The following OSBPL6 variants were observed in gnomAD, a reference collection of about 807,000 sequenced individuals.
OSBPL6 encodes the protein oxysterol binding protein like 6, also known as oxysterol-binding protein-related protein 6.
In OSBPL6, 49 loss-of-function variants were observed where a neutral mutation model predicts 125.8. That is an observed-to-expected ratio of 0.39 (90% confidence interval 0.31 to 0.49). OSBPL6 has a LOEUF of 0.49. OSBPL6 is among the 20% of genes least tolerant of loss of function. The probability of loss-of-function intolerance (pLI) is 0.88; values close to 1 mark genes in which losing one functional copy is unlikely to be tolerated. For missense variants in OSBPL6, 986 were observed against 1,135.4 expected, an observed-to-expected ratio of 0.87 and a Z score of 1.89; for synonymous variants, 394 against 391.8, an observed-to-expected ratio of 1.01 and a Z score of -0.07.
At position 178,308,529 on chromosome 2, in the gene OSBPL6, T is replaced by A. The variant is rs145320541; in HGVS notation, c.102+2243T>A. 1.1e-4 allele frequency among the ~76,000 whole-genome samples: 16 copies of A among 152,356 alleles called. No homozygotes were observed. In the East Asian group the frequency reaches 3.1e-3, roughly 29 times the overall value. On this transcript the variant is annotated intron_variant, in intron 3 of 24. Coordinates refer to ENST00000190611, the MANE Select transcript of OSBPL6 (RefSeq NM_032523.4). ...GCACATAGCTGAGAATACAGTGGTA[T>A]CTTAATGCACATTATTTGCCTTTCC...
intron 1 of OSBPL6, among the ~76,000 whole-genome samples, chr2:178,226,235 G>GT (rs1346494844): frequency 2.0e-5 from 3 of 152,192 alleles, no homozygotes; most frequent in African/African-American, 7.2e-5. Context: ...GGTGGCTCCT[G>GT]TGAGCCAAAG....
rs999863540 is a variant in OSBPL6 at position 178,382,598 on chromosome 2, A to G, written c.1621+91A>G. On this transcript the variant is annotated intron_variant, in intron 16 of 24. Coordinates refer to ENST00000190611, the MANE Select transcript of OSBPL6 (RefSeq NM_032523.4). Reference sequence around the variant, plus strand: ...GAACAGGCATTCCCCCTCCCACGCCACCCCCACCCCTGCTAATTGTTCTTT... The same window carrying G: ...GAACAGGCATTCCCCCTCCCACGCCGCCCCCACCCCTGCTAATTGTTCTTT... The G allele has an allele frequency of 3.6e-6, 4 of 1,100,578 alleles. No individual in the cohort carries two copies. The African/African-American group carries it at 7.8e-5, about 22-fold the overall frequency. 68.2% of individuals were successfully genotyped at this position (1,100,578 alleles called of 1,614,324 possible).
chr2:178,234,221 A>G lies in OSBPL6; in HGVS notation c.-351+39547A>G, dbSNP rs1449075806. On this transcript the variant is annotated intron_variant, in intron 1 of 24. Coordinates refer to ENST00000190611, the MANE Select transcript of OSBPL6 (RefSeq NM_032523.4). ...TGAAATAGTAATAATAATGACAACA[A>G]CATCAACTTTTGCAGTTGAATCTGA... Among the ~76,000 whole-genome samples, 3 of 152,354 alleles carry G rather than the reference A, an allele frequency of 2.0e-5. No homozygotes were observed. In the East Asian group the frequency reaches 5.8e-4, roughly 29 times the overall value.
chr2:178,210,812 CAA>C lies in OSBPL6; in HGVS notation c.-351+16149_-351+16150del, dbSNP rs753869824. On this transcript the variant is annotated intron_variant, in intron 1 of 24. Coordinates refer to ENST00000190611, the MANE Select transcript of OSBPL6 (RefSeq NM_032523.4). The stretch of plus-strand genomic sequence containing the variant: ...GTGTGACAAGTGTGAGACAATGTTT[CAA>C]AAAAAAAAAACACACACACACACAC... Among the ~76,000 whole-genome samples, 950 of 134,786 alleles carry C rather than the reference CAA, an allele frequency of 7.0e-3. 9 individuals are homozygous for C. The highest frequency in any genetic ancestry group is 0.021 in the African/African-American group (779 of 36,442). 88.4% of individuals were successfully genotyped at this position (134,786 alleles called of 152,430 possible).
chr2:178,391,306 T>C, intron 22 of OSBPL6, 89 bp downstream of exon 22: 1 of 1,350,498 alleles, frequency 7.4e-7, no homozygotes, highest in Non-Finnish European at 9.9e-7. Flanking sequence ...GCAACTCACA[T>C]TATGTTTCCT....
At chr2:178,320,273 A>G in intron 3 of OSBPL6, 1 of 1,611,210 alleles carries the variant, frequency 6.2e-7, no homozygotes, top group South Asian at 1.1e-5. Flanking sequence ...AGGTATTGAG[A>G]TCAATGAACA....
At chr2:178,268,680 A>T (rs955692669) in intron 1 of OSBPL6, among the ~76,000 whole-genome samples, 2 of 152,184 alleles carry the variant, frequency 1.3e-5, no homozygotes, top group African/African-American at 4.8e-5. Context: ...ATGCTGTTGC[A>T]TGAATCATTC....
intron 1 of OSBPL6, among the ~76,000 whole-genome samples, chr2:178,198,383 A>G (rs778092647): frequency 1.3e-5 from 2 of 151,648 alleles, no homozygotes; most frequent in Admixed American, 6.6e-5. Flanking sequence ...GCTCACTGCA[A>G]CCTCCTGGGT....
chr2:178,224,156 G>A (rs2090455188), intron 1 of OSBPL6, among the ~76,000 whole-genome samples: 1 of 152,156 alleles, frequency 6.6e-6, no homozygotes, highest in Non-Finnish European at 1.5e-5. Context: ...AATGAACCCG[G>A]GAAGGGAGAC....
chr2:178,217,757 G>C (rs115664148), intron 1 of OSBPL6, among the ~76,000 whole-genome samples: 2,034 of 152,254 alleles, frequency 0.013, 40 homozygotes, highest in African/African-American at 0.046. Context: ...GAACCATCTT[G>C]TCTGCTTCTT....
intron 1 of OSBPL6, among the ~76,000 whole-genome samples, chr2:178,278,718 T>C (rs2092519499): frequency 6.6e-6 from 1 of 152,132 alleles, no homozygotes; most frequent in African/African-American, 2.4e-5. Context: ...AACTATATTC[T>C]CCAGAGACTT....
intron 1 of OSBPL6, among the ~76,000 whole-genome samples, chr2:178,267,227 G>T (rs1246040237): frequency 6.6e-6 from 1 of 151,754 alleles, no homozygotes; most frequent in Non-Finnish European, 1.5e-5. Context: ...GGTGGCTTGT[G>T]TGTGTAGTCC....
intron 1 of OSBPL6, among the ~76,000 whole-genome samples, chr2:178,217,212 A>C (rs188408389): frequency 3.3e-5 from 5 of 152,308 alleles, no homozygotes; most frequent in African/African-American, 9.6e-5. Flanking sequence ...GTCTAAGTGA[A>C]AGGGAAAGAG....
At chr2:178,251,770 C>G (rs1405896408) in intron 1 of OSBPL6, among the ~76,000 whole-genome samples, 1 of 152,190 alleles carries the variant, frequency 6.6e-6, no homozygotes, top group African/African-American at 2.4e-5. Flanking sequence ...GGCACTGGCG[C>G]CAAATGGAGA....
intron 8 of OSBPL6, among the ~76,000 whole-genome samples, chr2:178,334,924 T>G (rs2154078996): frequency 6.6e-6 from 1 of 152,204 alleles, no homozygotes; most frequent in South Asian, 2.1e-4. Context: ...TACCAACCAG[T>G]TCTGAAATAA....
intron 11 of OSBPL6, among the ~76,000 whole-genome samples, chr2:178,342,651 A>G (rs1449153005): frequency 6.6e-6 from 1 of 152,208 alleles, no homozygotes; most frequent in Non-Finnish European, 1.5e-5. Context: ...CTAAACTTCA[A>G]ACTTCCTGGT....
chr2:178,319,972 C>G (rs1182898940), intron 3 of OSBPL6, among the ~76,000 whole-genome samples: 1 of 152,152 alleles, frequency 6.6e-6, no homozygotes, highest in African/African-American at 2.4e-5. Context: ...TTACTACTGT[C>G]CTAAATTTAT....
rs1223416178 is a variant in OSBPL6, at chr2:178,210,848, ACC to A, written c.-351+16177_-351+16178del. 4.1e-3 allele frequency among the ~76,000 whole-genome samples: 563 copies of A among 136,724 alleles called. 5 individuals are homozygous for A. Among genetic ancestry groups the A allele is most frequent in the African/African-American group, 0.015 (522 of 35,140 alleles). 89.7% of individuals were successfully genotyped at this position (136,724 alleles called of 152,430 possible). ...AACACACACACACACACACACACAC[ACC>A]CCTCTCTGCTGGAATGGCTCAGAGG... On this transcript the variant is annotated intron_variant, in intron 1 of 24. Coordinates refer to ENST00000190611, the MANE Select transcript of OSBPL6 (RefSeq NM_032523.4).
At position 178,355,856 on chromosome 2, in the gene OSBPL6, G is replaced by A. The variant is rs556243839; in HGVS notation, c.1154-5826G>A. On this transcript the variant is annotated intron_variant, in intron 12 of 24. Coordinates refer to ENST00000190611, the MANE Select transcript of OSBPL6 (RefSeq NM_032523.4). ...ATCCTCAATAAAATACTGGCAAACC[G>A]AATCCAGTAGCACATCAAAAAGCTT... Among the ~76,000 whole-genome samples the A allele has an allele frequency of 5.9e-5, 9 of 152,326 alleles. No individual in the cohort carries two copies. In the East Asian group the frequency reaches 7.7e-4, roughly 13 times the overall value.
Sources: allele counts gnomAD v4.1 joint callset (sites outside exome capture counted in the v4.1 genomes callset), GRCh38; gene constraint gnomAD v4.1.1; transcripts MANE v1.5; gene names NCBI Gene and HGNC (gene_info 2026-07-23, HGNC 2026-07-21).